Variants in SMARCC1 observed in about 807,000 individuals in gnomAD.
SMARCC1 encodes the protein SWI/SNF related BAF chromatin remodeling complex subunit C1.
In SMARCC1, 43 loss-of-function variants were observed where a neutral mutation model predicts 147.4. The observed-to-expected ratio is 0.29, with a 90% CI of 0.23 to 0.38. The LOEUF (loss-of-function observed/expected upper bound fraction) is 0.38, where lower values mean the gene tolerates loss of function less well. Among genes scored for constraint, SMARCC1 ranks in the 10% least tolerant of loss-of-function variants. The pLI is 1.00. For missense variants in SMARCC1, 1,119 were observed against 1,381.1 expected, an observed-to-expected ratio of 0.81 and a Z score of 3.01; for synonymous variants, 495 against 484.4, an observed-to-expected ratio of 1.02 and a Z score of -0.29.
intron 26 of SMARCC1, chr3:47,603,940 T>C (rs778094966): frequency 2.3e-6 from 1 of 440,078 alleles, no homozygotes; most frequent in Non-Finnish European, 4.5e-6. Context: ...TCAGGTGAGT[T>C]AGGAGTAGGA....
At chr3:47,610,035 G>C in intron 26 of SMARCC1, 31 bp downstream of exon 26, 1 of 1,609,464 alleles carries the variant, frequency 6.2e-7, no homozygotes, top group Non-Finnish European at 8.5e-7. Context: ...GTGACCATAA[G>C]CTTTTTCCAA....
At chr3:47,601,409 T>C (rs2032383997) in intron 26 of SMARCC1, among the ~76,000 whole-genome samples, 1 of 152,172 alleles carries the variant, frequency 6.6e-6, no homozygotes. Flanking sequence ...TAACTGTCTA[T>C]AGCACATCCT....
At chr3:47,692,585 T>C (rs967969915) in intron 12 of SMARCC1, among the ~76,000 whole-genome samples, 9 of 152,188 alleles carry the variant, frequency 5.9e-5, no homozygotes, top group Non-Finnish European at 1.0e-4. Flanking sequence ...AATATTATGC[T>C]CCAAGAGGGG....
At chr3:47,693,907 T>C (rs4410463) in intron 11 of SMARCC1, among the ~76,000 whole-genome samples, 93,917 of 152,040 alleles carry the variant, frequency 0.62, 29,735 homozygotes, top group East Asian at 0.72. Context: ...ATGCAATCCA[T>C]TCGCATCAGC....
chr3:47,629,930 G>A (rs1377129582), intron 24 of SMARCC1, among the ~76,000 whole-genome samples: 4 of 151,830 alleles, frequency 2.6e-5, no homozygotes, highest in Non-Finnish European at 5.9e-5. Flanking sequence ...GAATATTGCT[G>A]ATGCTCAGAT....
intron 21 of SMARCC1, among the ~76,000 whole-genome samples, chr3:47,649,252 G>A (rs1423607352): frequency 6.6e-6 from 1 of 152,192 alleles, no homozygotes; most frequent in Non-Finnish European, 1.5e-5. Context: ...TTTTAGAAGT[G>A]CCTGACTTTA....
chr3:47,591,989 A>G (rs958293787), intron 26 of SMARCC1, among the ~76,000 whole-genome samples: 1 of 152,232 alleles, frequency 6.6e-6, no homozygotes, highest in Non-Finnish European at 1.5e-5. Flanking sequence ...GGGCTTTACT[A>G]TCTATGTAAG....
Position 47,678,185 on chromosome 3 carries a change from TCAAA to T in SMARCC1, c.1571+9_1571+12del, listed in dbSNP as rs765279142. On this transcript the variant is annotated intron_variant, in intron 16 of 27. Transcript: ENST00000254480. The stretch of plus-strand genomic sequence containing the variant: ...CTACAGTTAAATGTCTCAGAAAAAG[TCAAA>T]CAGTTTACCTCATCACAGCACACAC... 11 of 1,475,354 alleles carry T rather than the reference TCAAA, an allele frequency of 7.5e-6. No homozygotes were observed. In the Admixed American group the frequency reaches 1.7e-4, roughly 23 times the overall value. 91.4% of individuals were successfully genotyped at this position (1,475,354 alleles called of 1,614,324 possible). A position where few individuals can be genotyped will look rare whatever the true frequency, so the allele number is the denominator to read the frequency against.
intron 9 of SMARCC1, among the ~76,000 whole-genome samples, chr3:47,707,699 C>A (rs970931829): frequency 1.3e-5 from 2 of 152,024 alleles, no homozygotes; most frequent in South Asian, 4.1e-4. Flanking sequence ...CATAGTAAGA[C>A]CTTGTCTCTA....
intron 27 of SMARCC1, among the ~76,000 whole-genome samples, chr3:47,590,224 T>C (rs1457497763): frequency 6.6e-6 from 1 of 152,228 alleles, no homozygotes; most frequent in Non-Finnish European, 1.5e-5. Context: ...ATAACAAAAA[T>C]GGCTATAAGA....
intron 13 of SMARCC1, 132 bp from the exon 14 acceptor site, chr3:47,686,302 A>G: frequency 1.4e-6 from 1 of 704,092 alleles, no homozygotes; most frequent in South Asian, 2.0e-5. Context: ...TGAAAAACAA[A>G]TTTCAAGTAA....
At chr3:47,698,244 G>A (rs2033877906) in intron 11 of SMARCC1, among the ~76,000 whole-genome samples, 1 of 151,898 alleles carries the variant, frequency 6.6e-6, no homozygotes, top group South Asian at 2.1e-4. Flanking sequence ...AGTGGATACT[G>A]AAGAACGGTA....
intron 1 of SMARCC1, 146 bp downstream of exon 1, chr3:47,781,457 C>A: frequency 2.2e-6 from 1 of 451,560 alleles, no homozygotes; most frequent in Non-Finnish European, 3.5e-6. Context: ...CCAGAGCGGG[C>A]GGCGGGGGCG....
chr3:47,771,622 T>C (rs953225868), intron 2 of SMARCC1, among the ~76,000 whole-genome samples: 1 of 151,848 alleles, frequency 6.6e-6, no homozygotes, highest in South Asian at 2.1e-4. Context: ...TGCATGCCTG[T>C]AGTCCCAGCT....
intron 11 of SMARCC1, 73 bp from the exon 12 acceptor site, chr3:47,693,373 G>C (rs1473172876): frequency 1.0e-5 from 9 of 858,038 alleles, no homozygotes; most frequent in Admixed American, 1.9e-5. Context: ...AAACAGAATA[G>C]GACATGATTA....
At chr3:47,728,783 C>T (rs1206470598) in intron 6 of SMARCC1, among the ~76,000 whole-genome samples, 3 of 152,054 alleles carry the variant, frequency 2.0e-5, no homozygotes, top group African/African-American at 7.2e-5. Flanking sequence ...TGGTGGTGGG[C>T]GCCTATATTC....
intron 6 of SMARCC1, among the ~76,000 whole-genome samples, chr3:47,727,225 C>G (rs1432485906): frequency 6.7e-6 from 1 of 149,682 alleles, no homozygotes; most frequent in Admixed American, 6.7e-5. Flanking sequence ...AACAAAAAAA[C>G]TGGCCGGGCA....
intron 25 of SMARCC1, among the ~76,000 whole-genome samples, chr3:47,615,585 C>T (rs1341154888): frequency 6.6e-6 from 1 of 152,206 alleles, no homozygotes; most frequent in East Asian, 1.9e-4. Flanking sequence ...AATGTCTCAT[C>T]CATCCTTTAA....
chr3:47,664,728 T>C (rs1004183509), intron 19 of SMARCC1, among the ~76,000 whole-genome samples: 8 of 152,294 alleles, frequency 5.3e-5, no homozygotes, highest in East Asian at 1.9e-4. Context: ...TTGAGGACAC[T>C]GGCAATGTCT....
Sources: allele counts gnomAD v4.1 joint callset (sites outside exome capture counted in the v4.1 genomes callset), GRCh38; gene constraint gnomAD v4.1.1; transcripts MANE v1.5; gene names NCBI Gene and HGNC (gene_info 2026-07-23, HGNC 2026-07-21).